Variants in DIPK1A observed in about 807,000 individuals in gnomAD.
DIPK1A encodes divergent protein kinase domain 1A, also known as family with sequence similarity 69 member A.
Under a neutral mutation model 40.8 loss-of-function variants are expected in DIPK1A, and 27 were observed. That is an observed-to-expected ratio of 0.66 (90% CI 0.49 to 0.91). The LOEUF (loss-of-function observed/expected upper bound fraction) is 0.91. Ranked by LOEUF, DIPK1A falls within the 40% of genes least tolerant of loss-of-function variation. The pLI, the probability that DIPK1A is intolerant of heterozygous loss-of-function variation, is 0.00. For missense variants in DIPK1A, 412 were observed against 505.7 expected (o/e 0.81, Z 1.78); for synonymous variants, 166 against 171.3 (o/e 0.97, Z 0.24).
chr1:92,870,370 C>T (rs1248361189), intron 2 of DIPK1A, among the ~76,000 whole-genome samples: 1 of 152,156 alleles, frequency 6.6e-6, no homozygotes, highest in African/African-American at 2.4e-5. Context: ...GGATTACAGG[C>T]ACCCACCACC....
chr1:92,932,007 T>C, intron 1 of DIPK1A: 6 of 526,418 alleles, frequency 1.1e-5, no homozygotes, highest in Non-Finnish European at 2.1e-5. Context: ...CAATAAAATC[T>C]TGGGCCAAAA....
At chr1:92,928,773 C>A (rs1354999751) in intron 1 of DIPK1A, among the ~76,000 whole-genome samples, 6 of 152,082 alleles carry the variant, frequency 3.9e-5, no homozygotes, top group Non-Finnish European at 8.8e-5. Context: ...ACCAGCCTGG[C>A]CAACATGGCA....
intron 2 of DIPK1A, among the ~76,000 whole-genome samples, chr1:92,851,678 G>GA (rs59397193): frequency 2.0e-3 from 296 of 151,632 alleles, no homozygotes; most frequent in African/African-American, 6.3e-3. Context: ...TCCACTCTCT[G>GA]AAAAAATATG....
intron 2 of DIPK1A, among the ~76,000 whole-genome samples, chr1:92,855,970 G>A (rs191014383): frequency 1.8e-3 from 274 of 152,062 alleles, no homozygotes; most frequent in Non-Finnish European, 2.9e-3. Flanking sequence ...CTAGCTACTC[G>A]GAAGGCTGAG....
intron 1 of DIPK1A, among the ~76,000 whole-genome samples, chr1:92,954,612 T>A (rs1651772390): frequency 6.6e-6 from 1 of 152,016 alleles, no homozygotes; most frequent in South Asian, 2.1e-4. Flanking sequence ...TGACCTCAAG[T>A]GATCCACCTG....
intron 1 of DIPK1A, chr1:92,877,052 G>T: frequency 1.0e-6 from 1 of 985,104 alleles, no homozygotes; most frequent in Non-Finnish European, 1.2e-6. Flanking sequence ...TGTTAAAGGA[G>T]AAATGACTGG....
At chr1:92,880,760 C>T (rs1648329945) in intron 1 of DIPK1A, among the ~76,000 whole-genome samples, 1 of 152,076 alleles carries the variant, frequency 6.6e-6, no homozygotes, top group Admixed American at 6.6e-5. Flanking sequence ...ATCCCAGCCA[C>T]TTGGGAGGCT....
intron 1 of DIPK1A, among the ~76,000 whole-genome samples, chr1:92,925,487 T>G (rs1347061830): frequency 6.6e-5 from 10 of 151,640 alleles, no homozygotes; most frequent in Admixed American, 2.0e-4. Flanking sequence ...TTTTTTGGGG[T>G]TTTTTTGTTT....
At chr1:92,921,424 T>C (rs147700806) in intron 1 of DIPK1A, among the ~76,000 whole-genome samples, 1 of 152,176 alleles carries the variant, frequency 6.6e-6, no homozygotes, top group African/African-American at 2.4e-5. Flanking sequence ...GAAAATGCAA[T>C]GTGTTGCAAA....
intron 2 of DIPK1A, among the ~76,000 whole-genome samples, chr1:92,857,193 A>C (rs968709227): frequency 2.0e-5 from 3 of 152,244 alleles, no homozygotes; most frequent in African/African-American, 7.2e-5. Flanking sequence ...AGGAAGGAGA[A>C]TATCAGGCAG....
intron 1 of DIPK1A, chr1:92,934,056 T>C (rs1176172978): frequency 1.3e-5 from 2 of 152,116 alleles, no homozygotes; most frequent in Admixed American, 1.3e-4. Flanking sequence ...CTTCTTAGGA[T>C]TTGTCAACAA....
intron 3 of DIPK1A, among the ~76,000 whole-genome samples, chr1:92,850,370 G>A (rs1217939928): frequency 6.6e-6 from 1 of 152,180 alleles, no homozygotes; most frequent in African/African-American, 2.4e-5. Context: ...GGAATATACT[G>A]GGGATAGATT....
chr1:92,901,364 G>A (rs1359677977), intron 1 of DIPK1A, among the ~76,000 whole-genome samples: 1 of 151,984 alleles, frequency 6.6e-6, no homozygotes, highest in Admixed American at 6.6e-5. Flanking sequence ...ACCTATTGTA[G>A]CAGCTGGGTC....
intron 4 of DIPK1A, among the ~76,000 whole-genome samples, chr1:92,846,807 A>G (rs1414090269): frequency 5.0e-3 from 13 of 2,588 alleles, no homozygotes; most frequent in African/African-American, 0.041. Context: ...ATATATATAT[A>G]TATATATATA....
In DIPK1A at chr1:92,881,313, G is replaced by C. The variant is rs557654367; in HGVS notation, c.55-4883C>G. ...CACAAATGTTCTTAATTTTGAGAATGGGGACTCTGTCTCAAAAAAAAAAAA... is the reference window on the plus strand; with the variant it reads ...CACAAATGTTCTTAATTTTGAGAATCGGGACTCTGTCTCAAAAAAAAAAAA... On this transcript the variant is annotated intron_variant, in intron 1 of 4. Coordinates refer to ENST00000370310, the MANE Select transcript of DIPK1A (RefSeq NM_001006605.5). Among the ~76,000 whole-genome samples, 6 of 133,156 alleles carry C rather than the reference G, an allele frequency of 4.5e-5. No individual in the cohort carries two copies. The East Asian group carries it at 1.3e-3, about 29-fold the overall frequency. The allele number at this position is 133,156 out of a possible 152,430, so 87.4% of individuals were successfully genotyped here.
intron 1 of DIPK1A, among the ~76,000 whole-genome samples, chr1:92,908,291 G>C (rs1314668506): frequency 1.3e-5 from 2 of 152,166 alleles, no homozygotes; most frequent in African/African-American, 2.4e-5. Flanking sequence ...AAATTAGAGT[G>C]AGAAAAGGGT....
At chr1:92,953,754 G>A (rs1386387959) in intron 1 of DIPK1A, among the ~76,000 whole-genome samples, 2 of 152,154 alleles carry the variant, frequency 1.3e-5, no homozygotes, top group African/African-American at 4.8e-5. Context: ...ATGAGGAGTC[G>A]TTCAATGGGT....
chr1:92,916,833 T>C (rs1287930629), intron 1 of DIPK1A, among the ~76,000 whole-genome samples: 1 of 152,216 alleles, frequency 6.6e-6, no homozygotes, highest in Non-Finnish European at 1.5e-5. Context: ...TTCTTCCTTC[T>C]TTTTGCTGCA....
chr1:92,837,698 T>G, downstream of DIPK1A: 2 of 1,364,720 alleles, frequency 1.5e-6, no homozygotes, highest in Non-Finnish European at 2.1e-6. Flanking sequence ...TTACTTGTTT[T>G]GGGGGCAGGT....
Sources: gnomAD v4.1 joint callset for allele counts (sites outside exome capture counted in the v4.1 genomes callset) on GRCh38, gnomAD v4.1.1 for gene constraint, MANE v1.5 for transcripts, NCBI Gene and HGNC (gene_info 2026-07-23, HGNC 2026-07-21) for gene names.